Variants in NPIPB13 observed in about 807,000 individuals in gnomAD.
NPIPB13 encodes nuclear pore complex interacting protein family, member B13, also known as nuclear pore complex-interacting protein family member B13.
In NPIPB13 at chr16:30,232,538, C is replaced by T. The variant is rs1479635266; in HGVS notation, c.250-691G>A. ...ATCCCAGCACTTTGGGAGGCCGAGG[C>T]AGGTGAATCACAAGGTCAAGAGATG... is the stretch of plus-strand genomic sequence containing the variant. On this transcript the variant is annotated intron_variant, in intron 3 of 7. Transcript: ENST00000520915. Among the ~76,000 whole-genome samples the T allele has an allele frequency of 1.5e-4, 16 of 109,764 alleles. No homozygotes were observed. In the East Asian group the frequency reaches 1.7e-3, roughly 12 times the overall value. The allele number at this position is 109,764 out of a possible 152,430, so 72.0% of individuals were successfully genotyped here.
intron 5 of NPIPB13, among the ~76,000 whole-genome samples, chr16:30,228,780 CTAT>C (rs1282394845): frequency 1.6e-5 from 2 of 124,512 alleles, no homozygotes; most frequent in Non-Finnish European, 3.5e-5. Flanking sequence ...ATGAGGTGCA[CTAT>C]GTGTGTCTCT....
rs1228613450 is a variant in NPIPB13 at position 30,238,196 on chromosome 16, TGG to T, written c.121-2619_121-2618del. On this transcript the variant is annotated intron_variant, in intron 2 of 7. Coordinates refer to ENST00000520915, the Ensembl canonical transcript of NPIPB13. ...CTGAGGCAGGAGAATCGCTCGAACC[TGG>T]GAAGCAGAGGTTGCGGTGAGCTGAT... Among the ~76,000 whole-genome samples the T allele has an allele frequency of 7.4e-3, 879 of 118,754 alleles. 1 individual carries two copies. Among genetic ancestry groups the T allele is most frequent in the African/African-American group, 0.033 (851 of 26,096 alleles). The allele number at this position is 118,754 out of a possible 152,430, so 77.9% of individuals were successfully genotyped here. A position where few individuals can be genotyped will look rare whatever the true frequency, so the allele number is the denominator to read the frequency against.
At chr16:30,222,945 GGTTTT>G (rs1170118582) in exon 8 of NPIPB13, 64 of 47,390 alleles carry the variant, frequency 1.4e-3, no homozygotes, top group East Asian at 7.4e-3. Context: ...TTGGAGTGTG[GGTTTT>G]GTTTTGTTTT....
chr16:30,245,263 AG>A (rs2073608631), intron 2 of NPIPB13, among the ~76,000 whole-genome samples, 190 bp downstream of exon 2: 2 of 147,980 alleles, frequency 1.4e-5, no homozygotes, highest in African/African-American at 4.9e-5. Flanking sequence ...GACAGAAGAT[AG>A]TGGTTTTCAT....
At chr16:30,232,481 A>C (rs1164089548) in intron 3 of NPIPB13, among the ~76,000 whole-genome samples, 1 of 147,720 alleles carries the variant, frequency 6.8e-6, no homozygotes, top group African/African-American at 2.5e-5. Context: ...AAAAAAAAAA[A>C]AATAGGCCAG....
chr16:30,238,629 C>T (rs2151075462), intron 2 of NPIPB13, among the ~76,000 whole-genome samples: 1 of 17,484 alleles, frequency 5.7e-5, no homozygotes, highest in South Asian at 1.2e-3. Flanking sequence ...GCCGAGGTCC[C>T]GCCACTGCAC....
intron 2 of NPIPB13, among the ~76,000 whole-genome samples, chr16:30,238,868 G>T (rs2151075665): frequency 6.5e-4 from 1 of 1,530 alleles, no homozygotes; most frequent in Admixed American, 3.4e-3. Context: ...CTGGGCGACA[G>T]AGTGAGACTC....
chr16:30,244,487 G>A (rs1448927421), intron 2 of NPIPB13, among the ~76,000 whole-genome samples: 1 of 3,350 alleles, frequency 3.0e-4, no homozygotes, highest in Non-Finnish European at 9.7e-4. Flanking sequence ...AAATATATGT[G>A]TGTGTGTGTG....
intron 3 of NPIPB13, among the ~76,000 whole-genome samples, chr16:30,232,433 C>T: frequency 7.2e-6 from 1 of 139,812 alleles, no homozygotes; most frequent in Non-Finnish European, 1.6e-5. Flanking sequence ...CATTGCACTC[C>T]AACCTGGGCA....
chr16:30,246,384 T>C (rs1349737068), upstream of NPIPB13, among the ~76,000 whole-genome samples: 1 of 151,830 alleles, frequency 6.6e-6, no homozygotes, highest in Non-Finnish European at 1.5e-5. Flanking sequence ...TTGCCAGCTA[T>C]GCTCTATCTC....
intron 5 of NPIPB13, among the ~76,000 whole-genome samples, chr16:30,230,877 TAAAAA>T (rs1200193892): frequency 3.6e-5 from 2 of 55,046 alleles, no homozygotes; most frequent in Non-Finnish European, 7.2e-5. Flanking sequence ...ATCTCAAAAT[TAAAAA>T]AAAAAAAAAA....
At chr16:30,236,230 T>TTTTTTG (rs1269451275) in intron 2 of NPIPB13, among the ~76,000 whole-genome samples, 1 of 83,384 alleles carries the variant, frequency 1.2e-5, no homozygotes, top group Non-Finnish European at 2.5e-5. Flanking sequence ...GCCCAGCCAT[T>TTTTTTG]TTTTTGTTTT....
intron 3 of NPIPB13, among the ~76,000 whole-genome samples, chr16:30,232,451 T>C (rs1596937913): frequency 7.1e-6 from 1 of 141,330 alleles, no homozygotes; most frequent in East Asian, 2.0e-4. Context: ...GCAACAAAAT[T>C]GAAACTCTTG....
At chr16:30,237,508 C>T (rs1273416184) in intron 2 of NPIPB13, among the ~76,000 whole-genome samples, 657 of 47,466 alleles carry the variant, frequency 0.014, 2 homozygotes, top group East Asian at 0.022. Context: ...AAAAAAATTA[C>T]CAAGGTGGAG....
At chr16:30,245,153 C>G (rs1361774434) in intron 2 of NPIPB13, among the ~76,000 whole-genome samples, 2 of 152,312 alleles carry the variant, frequency 1.3e-5, no homozygotes, top group African/African-American at 4.8e-5. Context: ...CCAGCCTAAA[C>G]TTGGCAAGAT....
At chr16:30,246,079 TC>T (rs1208892936), upstream of NPIPB13, among the ~76,000 whole-genome samples, 1 of 72,116 alleles carries the variant, frequency 1.4e-5, no homozygotes, top group African/African-American at 5.0e-5. Flanking sequence ...ACTTGTCGAA[TC>T]AATGCATGTG....
chr16:30,244,107 CTTTATT>C (rs2073598241), intron 2 of NPIPB13, among the ~76,000 whole-genome samples: 1 of 135,510 alleles, frequency 7.4e-6, no homozygotes, highest in East Asian at 2.1e-4. Flanking sequence ...TTCTTTCAAT[CTTTATT>C]TTTAAACAGG....
At chr16:30,241,885 GGA>G (rs1191509727) in intron 2 of NPIPB13, among the ~76,000 whole-genome samples, 1 of 74,288 alleles carries the variant, frequency 1.3e-5, no homozygotes, top group African/African-American at 4.7e-5. Context: ...GGTTGTAAAA[GGA>G]GAGACCAAGT....
rs1429270821 is a variant in NPIPB13 at position 30,244,480 on chromosome 16, TATATGTGTG to T, written c.120+965_120+973del. On this transcript the variant is annotated intron_variant, in intron 2 of 7. Transcript: ENST00000520915. ...CAGAGTGAAACTCTGTCTCAAAAAA[TATATGTGTG>T]TGTGTGTGTGTGTGTGTGTGTGTGT... Among the ~76,000 whole-genome samples, 4 of 35,604 alleles carry T rather than the reference TATATGTGTG, an allele frequency of 1.1e-4. 1 individual carries two copies. The highest frequency in any genetic ancestry group is 1.8e-4 in the Non-Finnish European group (3 of 17,038). The allele number at this position is 35,604 out of a possible 152,430, so 23.4% of individuals were successfully genotyped here.
Sources: gnomAD v4.1 joint callset for allele counts (sites outside exome capture counted in the v4.1 genomes callset) on GRCh38, gnomAD v4.1.1 for gene constraint, MANE v1.5 for transcripts, NCBI Gene and HGNC (gene_info 2026-07-23, HGNC 2026-07-21) for gene names.